The following POC1A variants were observed in gnomAD, a reference collection of about 807,000 sequenced individuals.
POC1A encodes the protein POC1 centriolar protein A.
A neutral mutation model predicts 47.8 loss-of-function variants in POC1A; 34 were observed. The observed-to-expected ratio is 0.71, with a 90% CI of 0.54 to 0.95. The LOEUF is 0.95. Ranked by LOEUF, POC1A falls within the 40% of genes least tolerant of loss-of-function variation. POC1A has a pLI of 0.00. For synonymous variants in POC1A, 177 were observed against 207.6 expected (o/e 0.85, Z 1.27); for missense variants, 466 against 528.3 (o/e 0.88, Z 1.16).
intron 8 of POC1A, among the ~76,000 whole-genome samples, chr3:52,123,870 C>T (rs1703895186): frequency 6.6e-6 from 1 of 152,170 alleles, no homozygotes; most frequent in African/African-American, 2.4e-5. Context: ...GTGAAGTTAC[C>T]AGTTTCCCTG....
At chr3:52,136,062 T>C (rs574876618) in intron 7 of POC1A, among the ~76,000 whole-genome samples, 2 of 151,642 alleles carry the variant, frequency 1.3e-5, no homozygotes, top group East Asian at 2.0e-4. Context: ...CCTGGGCAAT[T>C]TGTCTTCCTG....
chr3:52,122,318 T>C, intron 9 of POC1A, 61 bp downstream of exon 9: 1 of 963,582 alleles, frequency 1.0e-6, no homozygotes, highest in South Asian at 1.3e-5. Flanking sequence ...CCCAGAGCTG[T>C]TCACCATGAC....
At chr3:52,129,992 G>A (rs777696293) in intron 7 of POC1A, among the ~76,000 whole-genome samples, 5 of 152,140 alleles carry the variant, frequency 3.3e-5, no homozygotes, top group Admixed American at 1.3e-4. Flanking sequence ...GCTGGCTCTC[G>A]CTCTGCTGCT....
intron 7 of POC1A, among the ~76,000 whole-genome samples, chr3:52,134,592 A>G (rs945150338): frequency 1.3e-5 from 2 of 152,210 alleles, no homozygotes; most frequent in African/African-American, 2.4e-5. Context: ...AGATCGCACC[A>G]CTGCACTCCA....
At chr3:52,153,780 A>C (rs539830853) in intron 1 of POC1A, among the ~76,000 whole-genome samples, 2 of 152,372 alleles carry the variant, frequency 1.3e-5, no homozygotes, top group South Asian at 2.1e-4. Context: ...ATCTCCGTCC[A>C]TGTCCTCAAG....
chr3:52,136,904 G>T (rs1704491600), intron 7 of POC1A, among the ~76,000 whole-genome samples: 1 of 152,220 alleles, frequency 6.6e-6, no homozygotes, highest in Non-Finnish European at 1.5e-5. Context: ...CACTTGATAG[G>T]CATCTGTTTC....
At chr3:52,136,724 T>C (rs1704482649) in intron 7 of POC1A, among the ~76,000 whole-genome samples, 1 of 152,200 alleles carries the variant, frequency 6.6e-6, no homozygotes, top group Non-Finnish European at 1.5e-5. Context: ...CACAAGGCAA[T>C]GCGCCATGGT....
chr3:52,142,845 GT>G (rs1559849011), intron 6 of POC1A, among the ~76,000 whole-genome samples: 2 of 152,126 alleles, frequency 1.3e-5, no homozygotes, highest in African/African-American at 2.4e-5. Flanking sequence ...TGGGTAGAGG[GT>G]TTCCCCCTAG....
chr3:52,114,514 C>T (rs558212047), intron 9 of POC1A, among the ~76,000 whole-genome samples: 1 of 152,320 alleles, frequency 6.6e-6, no homozygotes, highest in African/African-American at 2.4e-5. Context: ...TTATCTGTCC[C>T]AGGGGTGAGG....
intron 10 of POC1A, among the ~76,000 whole-genome samples, chr3:52,083,579 C>T (rs2106933744): frequency 6.6e-6 from 1 of 152,292 alleles, no homozygotes; most frequent in Admixed American, 6.5e-5. Flanking sequence ...TGGGCTTGTC[C>T]TGCACTTTTT....
intron 10 of POC1A, among the ~76,000 whole-genome samples, chr3:52,078,927 GCA>G (rs1702201082): frequency 6.6e-5 from 10 of 152,214 alleles, no homozygotes; most frequent in Admixed American, 5.2e-4. Context: ...AGGGCTGGTG[GCA>G]CACACAGGCA....
intron 10 of POC1A, among the ~76,000 whole-genome samples, chr3:52,091,098 T>G (rs1025136765): frequency 4.6e-5 from 7 of 152,180 alleles, no homozygotes; most frequent in Admixed American, 4.6e-4. Context: ...CTCAGAAGAC[T>G]TGAGGTAGGC....
intron 9 of POC1A, among the ~76,000 whole-genome samples, chr3:52,097,123 T>G (rs1323673122): frequency 6.6e-6 from 1 of 152,234 alleles, no homozygotes; most frequent in Non-Finnish European, 1.5e-5. Flanking sequence ...CTGAAGTCCC[T>G]CCTCTTCCTG....
chr3:52,089,062 A>C (rs1426371089), intron 10 of POC1A, among the ~76,000 whole-genome samples: 3 of 151,722 alleles, frequency 2.0e-5, no homozygotes, highest in Non-Finnish European at 4.4e-5. Flanking sequence ...GGGATAAAAG[A>C]TAGAAAACCA....
At position 52,096,609 on chromosome 3, in the gene POC1A, G is replaced by A. The variant is rs186299883; in HGVS notation, c.1085C>T (p.Thr362Met). Residue 362 changes from threonine (T) to methionine (M), a missense_variant, in exon 10 of 11, where the codon ACG (threonine) becomes ATG (methionine). By Grantham distance (81) the Thr-to-Met change is moderately conservative. Coordinates refer to ENST00000296484, the MANE Select transcript of POC1A (RefSeq NM_015426.5). ...CAGCTGGCCCACAATGTGCTCCAGCGTGCTAGTCAGTGTCTGGGGCACACT... is the reference window on the plus strand; with the variant it reads ...CAGCTGGCCCACAATGTGCTCCAGCATGCTAGTCAGTGTCTGGGGCACACT... ...PVSVPQTLTS[T>M]LEHIVGQLDV... is the part of the protein sequence containing the mutation. 425 of 1,610,784 alleles carry A rather than the reference G, an allele frequency of 2.6e-4. No individual in the cohort carries two copies. The highest frequency in any genetic ancestry group is 1.3e-3 in the Admixed American group (79 of 59,640).
chr3:52,141,292 C>A (rs1056262652), intron 6 of POC1A, among the ~76,000 whole-genome samples: 46 of 152,240 alleles, frequency 3.0e-4, no homozygotes, highest in African/African-American at 1.1e-3. Flanking sequence ...TAACGGGCTG[C>A]AAACCAGCCA....
At chr3:52,089,520 G>T (rs1314653549) in intron 10 of POC1A, among the ~76,000 whole-genome samples, 1 of 152,156 alleles carries the variant, frequency 6.6e-6, no homozygotes, top group East Asian at 1.9e-4. Flanking sequence ...CAAGGAGGGT[G>T]GCTACATCCA....
intron 9 of POC1A, among the ~76,000 whole-genome samples, chr3:52,105,068 C>G (rs1241070080): frequency 2.6e-5 from 4 of 152,228 alleles, no homozygotes; most frequent in African/African-American, 7.2e-5. Flanking sequence ...CTGTAATAAA[C>G]AAAAGCATCC....
At chr3:52,094,754 T>C (rs138822566) in intron 10 of POC1A, among the ~76,000 whole-genome samples, 11 of 152,258 alleles carry the variant, frequency 7.2e-5, no homozygotes, top group African/African-American at 1.9e-4. Flanking sequence ...CTGGCTGATA[T>C]TGTTGGCATC....
Sources: gnomAD v4.1 joint callset for allele counts (sites outside exome capture counted in the v4.1 genomes callset) on GRCh38, gnomAD v4.1.1 for gene constraint, MANE v1.5 for transcripts, NCBI Gene and HGNC (gene_info 2026-07-23, HGNC 2026-07-21) for gene names.